UST: variants seen among roughly 807,000 people sequenced by gnomAD.
UST encodes chondroitin sulfate 2-O-sulfotransferase.
UST carries 21 observed loss-of-function variants against 45.6 expected under a neutral mutation model. That is an observed-to-expected ratio of 0.46 (90% CI 0.33 to 0.66). The LOEUF (loss-of-function observed/expected upper bound fraction) is 0.66, where lower values mean the gene tolerates loss of function less well. Among genes scored for constraint, UST ranks in the 30% least tolerant of loss-of-function variants. UST has a pLI of 0.02. For missense variants in UST, 463 were observed against 512.4 expected, an observed-to-expected ratio of 0.90 and a Z score of 0.93; for synonymous variants, 215 against 200.6, an observed-to-expected ratio of 1.07 and a Z score of -0.61.
At chr6:148,905,430 T>C (rs1324821297) in intron 2 of UST, among the ~76,000 whole-genome samples, 2 of 152,154 alleles carry the variant, frequency 1.3e-5, no homozygotes, top group Admixed American at 6.5e-5. Context: ...CTCCACTCCA[T>C]GGAAACAGAA....
intron 1 of UST, among the ~76,000 whole-genome samples, chr6:148,770,932 A>G (rs2114673058): frequency 6.6e-6 from 1 of 152,210 alleles, no homozygotes; most frequent in African/African-American, 2.4e-5. Flanking sequence ...TTGACTTTCA[A>G]AGTAACTTTA....
At chr6:148,903,500 A>G (rs767722385) in intron 2 of UST, among the ~76,000 whole-genome samples, 2 of 152,246 alleles carry the variant, frequency 1.3e-5, no homozygotes, top group African/African-American at 2.4e-5. Flanking sequence ...CAGTTATTCA[A>G]GAAAATATGT....
At chr6:148,893,726 T>C (rs892003582) in intron 2 of UST, among the ~76,000 whole-genome samples, 2 of 152,208 alleles carry the variant, frequency 1.3e-5, no homozygotes, top group Admixed American at 1.3e-4. Context: ...ATACAGTAAG[T>C]ATGCTAAGTG....
chr6:148,895,547 A>G (rs1160737389), intron 2 of UST, among the ~76,000 whole-genome samples: 2 of 152,160 alleles, frequency 1.3e-5, no homozygotes, highest in African/African-American at 2.4e-5. Context: ...CCCTACCAAA[A>G]TCTCATCTTG....
Position 149,075,839 on chromosome 6 carries a change from C to T in UST, c.*1723C>T, listed in dbSNP as rs1471811850. Reference sequence around the variant, plus strand: ...TAGTTAATAGTAAATAAGACTCTGACTTTACACAAGCTACACATTTTATAC... The same window carrying T: ...TAGTTAATAGTAAATAAGACTCTGATTTTACACAAGCTACACATTTTATAC... On this transcript the variant is annotated 3_prime_UTR_variant, in exon 8 of 8. Coordinates refer to ENST00000367463, the MANE Select transcript of UST (RefSeq NM_005715.3). 2.0e-5 allele frequency: 3 copies of T among 152,494 alleles called. No homozygotes were observed. The highest frequency in any genetic ancestry group is 2.0e-4 in the Admixed American group (3 of 15,278). 9.4% of individuals were successfully genotyped at this position (152,494 alleles called of 1,614,324 possible).
intron 2 of UST, among the ~76,000 whole-genome samples, chr6:148,902,096 A>G (rs1779270582): frequency 1.3e-5 from 2 of 152,236 alleles, no homozygotes; most frequent in Non-Finnish European, 2.9e-5. Context: ...GTCTCTGTGG[A>G]AGCTTCTTAT....
At chr6:148,864,099 G>C (rs1046826302) in intron 1 of UST, among the ~76,000 whole-genome samples, 3 of 152,246 alleles carry the variant, frequency 2.0e-5, no homozygotes, top group African/African-American at 7.2e-5. Flanking sequence ...CCTGCCCCCA[G>C]AGGTGGAGTC....
chr6:148,958,047 C>A (rs1393079532), intron 4 of UST, among the ~76,000 whole-genome samples: 3 of 152,200 alleles, frequency 2.0e-5, no homozygotes, highest in Non-Finnish European at 4.4e-5. Context: ...AAGGGTAAGG[C>A]ATTATACCAT....
intron 1 of UST, among the ~76,000 whole-genome samples, chr6:148,812,635 C>T (rs964728694): frequency 6.6e-6 from 1 of 152,196 alleles, no homozygotes; most frequent in African/African-American, 2.4e-5. Context: ...AGTTTCTGGC[C>T]ACATGGGTCT....
At chr6:148,823,315 A>T (rs1777501749) in intron 1 of UST, among the ~76,000 whole-genome samples, 1 of 152,216 alleles carries the variant, frequency 6.6e-6, no homozygotes, top group Admixed American at 6.5e-5. Context: ...TGACATTATA[A>T]AAGTTACCCT....
intron 1 of UST, among the ~76,000 whole-genome samples, chr6:148,798,609 T>G (rs924278764): frequency 3.3e-5 from 5 of 152,076 alleles, no homozygotes; most frequent in African/African-American, 1.2e-4. Flanking sequence ...ACCACTCATA[T>G]TTAAGTGATG....
chr6:148,872,089 A>C (rs1249954521), intron 1 of UST, among the ~76,000 whole-genome samples: 1 of 152,134 alleles, frequency 6.6e-6, no homozygotes, highest in Non-Finnish European at 1.5e-5. Context: ...GGTGAAATGT[A>C]CTGACTCGTA....
chr6:148,871,117 C>CTCTCTCTCT (rs1778543531), intron 1 of UST, among the ~76,000 whole-genome samples: 26 of 97,584 alleles, frequency 2.7e-4, no homozygotes, highest in Admixed American at 9.0e-4. Flanking sequence ...GCATTCTCTC[C>CTCTCTCTCT]CTCTCTCTCT....
intron 1 of UST, among the ~76,000 whole-genome samples, chr6:148,763,382 G>T (rs1254450683): frequency 6.6e-6 from 1 of 152,006 alleles, no homozygotes; most frequent in Middle Eastern, 3.2e-3. Flanking sequence ...TGAGTTATTT[G>T]AGTTCCTTGT....
intron 1 of UST, among the ~76,000 whole-genome samples, chr6:148,849,196 A>T (rs896542641): frequency 6.6e-6 from 1 of 152,168 alleles, no homozygotes. Flanking sequence ...GACACACAGG[A>T]AGCAATGCTT....
At chr6:148,940,952 A>G (rs1780114271) in intron 2 of UST, among the ~76,000 whole-genome samples, 1 of 152,240 alleles carries the variant, frequency 6.6e-6, no homozygotes. Flanking sequence ...AAAGCATAAT[A>G]GCAAAAAATA....
chr6:148,789,658 T>G (rs559847603), intron 1 of UST, among the ~76,000 whole-genome samples: 1 of 152,184 alleles, frequency 6.6e-6, no homozygotes, highest in African/African-American at 2.4e-5. Flanking sequence ...CTAGTGATTC[T>G]CCTGTCTCAG....
chr6:148,838,249 C>T (rs1423139439), intron 1 of UST, among the ~76,000 whole-genome samples: 2 of 152,018 alleles, frequency 1.3e-5, no homozygotes, highest in Admixed American at 1.3e-4. Flanking sequence ...AGTTCTAAGG[C>T]CCCAGGTTGG....
chr6:148,842,542 T>A (rs1056804936), intron 1 of UST, among the ~76,000 whole-genome samples: 1 of 152,092 alleles, frequency 6.6e-6, no homozygotes, highest in Non-Finnish European at 1.5e-5. Flanking sequence ...GAAAATGAGG[T>A]CCAGCCTGTA....
Sources: gnomAD v4.1 joint callset for allele counts (sites outside exome capture counted in the v4.1 genomes callset) on GRCh38, gnomAD v4.1.1 for gene constraint, MANE v1.5 for transcripts, NCBI Gene and HGNC (gene_info 2026-07-23, HGNC 2026-07-21) for gene names.